GOLPH3: variants seen among roughly 807,000 people sequenced by gnomAD.
The protein encoded by GOLPH3 is coat protein GPP34.
A neutral mutation model predicts 28.5 loss-of-function variants in GOLPH3; 14 were observed. That is an observed-to-expected ratio of 0.49 (90% CI 0.32 to 0.77). The LOEUF (loss-of-function observed/expected upper bound fraction) is 0.77. Ranked by LOEUF, GOLPH3 falls within the 30% of genes least tolerant of loss-of-function variation. GOLPH3 has a pLI of 0.03. For synonymous variants in GOLPH3, 158 were observed against 159.2 expected (o/e 0.99, Z 0.06); for missense variants, 350 against 393.7 (o/e 0.89, Z 0.94).
intron 3 of GOLPH3, chr5:32,134,902 T>C (rs1745900018): frequency 6.6e-6 from 1 of 152,228 alleles, no homozygotes; most frequent in Admixed American, 6.5e-5. Context: ...ATTCTGCTTA[T>C]CTGTAAGAAA....
chr5:32,137,747 T>A (rs1048989128), intron 2 of GOLPH3, among the ~76,000 whole-genome samples: 1 of 152,194 alleles, frequency 6.6e-6, no homozygotes, highest in Admixed American at 6.5e-5. Flanking sequence ...GTTACACCGC[T>A]GTAGACAAGT....
intron 1 of GOLPH3, among the ~76,000 whole-genome samples, chr5:32,155,599 G>C (rs1297299380): frequency 6.6e-6 from 1 of 152,080 alleles, no homozygotes; most frequent in East Asian, 1.9e-4. Flanking sequence ...TCAGCTTTCT[G>C]ATTTTTTTAA....
rs1275958290 is a variant in GOLPH3, at chr5:32,126,187, G to A, written c.*25C>T. 1 of 1,583,262 alleles carries A rather than the reference G, an allele frequency of 6.3e-7. No homozygotes were observed. Among genetic ancestry groups the A allele is most frequent in the Non-Finnish European group, 8.6e-7 (1 of 1,162,016 alleles). ...AAACTACTGGTTTACTTGAGAGAAA[G>A]GAGAATGGTTCACCCCGAGCAGAGT... On this transcript the variant is annotated 3_prime_UTR_variant, in exon 4 of 4. Transcript: ENST00000265070.
At chr5:32,143,704 C>T (rs1176046099) in intron 2 of GOLPH3, 45 bp downstream of exon 2, 1 of 1,498,998 alleles carries the variant, frequency 6.7e-7, no homozygotes, top group Admixed American at 2.4e-5. Flanking sequence ...ACATTTTAAG[C>T]AGTACAACCT....
chr5:32,158,426 T>C (rs1378598380), intron 1 of GOLPH3, among the ~76,000 whole-genome samples: 1 of 152,098 alleles, frequency 6.6e-6, no homozygotes, highest in Non-Finnish European at 1.5e-5. Flanking sequence ...CTAAAATACC[T>C]TAAATCTCTA....
chr5:32,142,687 C>T (rs1267763528), intron 2 of GOLPH3, among the ~76,000 whole-genome samples: 2 of 146,032 alleles, frequency 1.4e-5, no homozygotes, highest in East Asian at 4.2e-4. Context: ...CCGCCCCGTC[C>T]GGGAGGGAGG....
chr5:32,131,966 G>C (rs1236107191), intron 3 of GOLPH3, among the ~76,000 whole-genome samples: 1 of 152,046 alleles, frequency 6.6e-6, no homozygotes, highest in Non-Finnish European at 1.5e-5. Flanking sequence ...CTTAGCCTGG[G>C]CAACATGATG....
At chr5:32,127,003 AACTAATAG>A (rs916848318) in intron 3 of GOLPH3, among the ~76,000 whole-genome samples, 5 of 152,204 alleles carry the variant, frequency 3.3e-5, no homozygotes, top group African/African-American at 1.2e-4. Context: ...ACCAGTCTGC[AACTAATAG>A]ACTAAAAAAA....
intron 2 of GOLPH3, among the ~76,000 whole-genome samples, chr5:32,141,868 T>C (rs1041244815): frequency 3.4e-5 from 5 of 149,114 alleles, no homozygotes; most frequent in African/African-American, 1.3e-4. Context: ...CCTCCCGAGG[T>C]GCCGGGATTG....
At chr5:32,147,715 T>C (rs1016052165) in intron 1 of GOLPH3, among the ~76,000 whole-genome samples, 1 of 152,108 alleles carries the variant, frequency 6.6e-6, no homozygotes, top group Non-Finnish European at 1.5e-5. Flanking sequence ...TAAAAGGCAA[T>C]AGTTATGATA....
chr5:32,172,664 C>T (rs1360359929), intron 1 of GOLPH3, among the ~76,000 whole-genome samples: 1 of 151,918 alleles, frequency 6.6e-6, no homozygotes, highest in African/African-American at 2.4e-5. Flanking sequence ...CACTGCACTC[C>T]AGCCTGGGCG....
At chr5:32,154,545 T>C (rs886240520) in intron 1 of GOLPH3, among the ~76,000 whole-genome samples, 2 of 152,242 alleles carry the variant, frequency 1.3e-5, no homozygotes, top group African/African-American at 2.4e-5. Context: ...CCTACAATTA[T>C]AGTTGATGTA....
intron 1 of GOLPH3, among the ~76,000 whole-genome samples, chr5:32,147,538 C>T (rs1561670100): frequency 6.6e-6 from 1 of 151,892 alleles, no homozygotes; most frequent in Non-Finnish European, 1.5e-5. Context: ...AAAATAGTCC[C>T]ATTTTTTAGG....
intron 1 of GOLPH3, among the ~76,000 whole-genome samples, chr5:32,144,795 A>G (rs1475523716): frequency 6.6e-6 from 1 of 152,228 alleles, no homozygotes; most frequent in East Asian, 1.9e-4. Flanking sequence ...GATCTGGGAT[A>G]CTGGTCAAGC....
chr5:32,127,429 G>A (rs917917992), intron 3 of GOLPH3, among the ~76,000 whole-genome samples: 1 of 152,084 alleles, frequency 6.6e-6, no homozygotes, highest in Admixed American at 6.5e-5. Context: ...TCAACCACAG[G>A]CATCTTTTTT....
intron 2 of GOLPH3, among the ~76,000 whole-genome samples, chr5:32,142,670 C>T (rs1276385666): frequency 6.8e-6 from 1 of 146,966 alleles, no homozygotes; most frequent in African/African-American, 2.5e-5. Context: ...CCCCCAAGCC[C>T]GGCCAGCCGC....
In GOLPH3 at chr5:32,153,927, T is replaced by C. The variant is rs543472415; in HGVS notation, c.226-10047A>G. Among the ~76,000 whole-genome samples the C allele has an allele frequency of 2.0e-5, 3 of 152,300 alleles. No homozygotes were observed. The East Asian group carries it at 5.8e-4, about 29-fold the overall frequency. The stretch of plus-strand genomic sequence containing the variant: ...AAACAGGATTCCTTGAAGGAATGAC[T>C]GATTATAAGTCTGAAACAGGAAATG... On this transcript the variant is annotated intron_variant, in intron 1 of 3. Transcript: ENST00000265070.
chr5:32,160,379 G>C (rs1291869071), intron 1 of GOLPH3, among the ~76,000 whole-genome samples: 1 of 152,162 alleles, frequency 6.6e-6, no homozygotes, highest in Admixed American at 6.5e-5. Flanking sequence ...TACCCAGCTG[G>C]AAGTAATATA....
chr5:32,138,532 C>T (rs116091134), intron 2 of GOLPH3, among the ~76,000 whole-genome samples: 4,843 of 152,032 alleles, frequency 0.032, 161 homozygotes, highest in East Asian at 0.17. Flanking sequence ...GCTATCCCTC[C>T]CCGCTCTTAA....
Sources: gnomAD v4.1 joint callset for allele counts (sites outside exome capture counted in the v4.1 genomes callset) on GRCh38, gnomAD v4.1.1 for gene constraint, MANE v1.5 for transcripts, NCBI Gene and HGNC (gene_info 2026-07-23, HGNC 2026-07-21) for gene names.